Variants in TAFA2 observed in about 807,000 individuals in gnomAD.
The protein encoded by TAFA2 is chemokine-like protein TAFA-2.
TAFA2 carries 7 observed loss-of-function variants against 18.8 expected under a neutral mutation model. The observed-to-expected ratio is 0.37, with a 90% CI of 0.21 to 0.70. The LOEUF (loss-of-function observed/expected upper bound fraction) is 0.70, where lower values mean the gene tolerates loss of function less well. Among genes scored for constraint, TAFA2 ranks in the 30% least tolerant of loss-of-function variants. The pLI is 0.53. For missense variants in TAFA2, 122 were observed against 158.1 expected (o/e 0.77, Z 1.23); for synonymous variants, 60 against 54.2 (o/e 1.11, Z -0.47).
intron 1 of TAFA2, among the ~76,000 whole-genome samples, chr12:62,129,455 G>A (rs189005798): frequency 2.7e-4 from 41 of 151,998 alleles, no homozygotes; most frequent in African/African-American, 8.7e-4. Context: ...ACAGCATAAC[G>A]TCTCTACCCA....
intron 1 of TAFA2, among the ~76,000 whole-genome samples, chr12:61,875,134 ATAT>A (rs1422297803): frequency 6.6e-6 from 1 of 152,136 alleles, no homozygotes; most frequent in African/African-American, 2.4e-5. Flanking sequence ...GAATGTACAA[ATAT>A]TATTACATAT....
chr12:62,051,321 G>A (rs1297499118), intron 1 of TAFA2, among the ~76,000 whole-genome samples: 4 of 152,048 alleles, frequency 2.6e-5, no homozygotes, highest in African/African-American at 9.7e-5. Context: ...AAATTCCCAT[G>A]TTTTTCATAA....
chr12:61,907,638 A>G lies in TAFA2; in HGVS notation c.-1-40212T>C, dbSNP rs150127048. ...TGCCCACTGAGACACTGCCTTGTGG[A>G]TCTGTGAGAAGAGGGCCACCATCTT... On this transcript the variant is annotated intron_variant, in intron 1 of 4. Transcript: ENST00000416284. Among the ~76,000 whole-genome samples the G allele has an allele frequency of 2.1e-3, 316 of 152,186 alleles. 1 individual carries two copies. Among genetic ancestry groups the G allele is most frequent in the African/African-American group, 7.3e-3 (305 of 41,544 alleles).
At chr12:61,989,572 C>T (rs1244636388) in intron 1 of TAFA2, among the ~76,000 whole-genome samples, 1 of 152,144 alleles carries the variant, frequency 6.6e-6, no homozygotes, top group Non-Finnish European at 1.5e-5. Context: ...ATGGTTACTG[C>T]CCTCTTTACA....
At chr12:62,035,930 C>A (rs1043026982) in intron 1 of TAFA2, among the ~76,000 whole-genome samples, 2 of 151,138 alleles carry the variant, frequency 1.3e-5, no homozygotes, top group Non-Finnish European at 3.0e-5. Flanking sequence ...TTAGTAGAGA[C>A]GGGGTTTCAC....
At chr12:62,197,009 C>T (rs1045984946), upstream of TAFA2, among the ~76,000 whole-genome samples, 2 of 152,238 alleles carry the variant, frequency 1.3e-5, no homozygotes, top group African/African-American at 4.8e-5. Flanking sequence ...AGCATTACCG[C>T]CTGAGCTCCA....
At chr12:62,226,512 AG>A (rs1592409505) in intron 1 of TAFA2, among the ~76,000 whole-genome samples, 1 of 152,050 alleles carries the variant, frequency 6.6e-6, no homozygotes, top group East Asian at 1.9e-4. Context: ...TACTCTTTTA[AG>A]CAATCTCATT....
intron 1 of TAFA2, among the ~76,000 whole-genome samples, chr12:61,972,563 T>C (rs1592522989): frequency 6.6e-6 from 1 of 151,620 alleles, no homozygotes; most frequent in East Asian, 1.9e-4. Context: ...ATAGAGGAAT[T>C]AGGACTGGGT....
At chr12:62,222,326 T>C (rs1464134654) in intron 1 of TAFA2, among the ~76,000 whole-genome samples, 1 of 151,952 alleles carries the variant, frequency 6.6e-6, no homozygotes, top group African/African-American at 2.4e-5. Flanking sequence ...AAATGAGTAA[T>C]CAAGAAAGAA....
chr12:62,115,345 A>T (rs1480310341), intron 1 of TAFA2, among the ~76,000 whole-genome samples: 1 of 151,812 alleles, frequency 6.6e-6, no homozygotes, highest in East Asian at 1.9e-4. Context: ...CACTGCACTG[A>T]TTTTTTTTCT....
At chr12:62,142,652 C>T (rs1423824624) in intron 1 of TAFA2, among the ~76,000 whole-genome samples, 1 of 152,098 alleles carries the variant, frequency 6.6e-6, no homozygotes, top group Non-Finnish European at 1.5e-5. Flanking sequence ...CTATTAAATG[C>T]CTCTGCTTTA....
At chr12:62,144,135 G>A (rs962683368) in intron 1 of TAFA2, among the ~76,000 whole-genome samples, 27 of 151,428 alleles carry the variant, frequency 1.8e-4, no homozygotes. Flanking sequence ...GGAAACAAAT[G>A]GAACTGGCAA....
intron 1 of TAFA2, among the ~76,000 whole-genome samples, chr12:62,160,872 C>T (rs2062402447): frequency 6.6e-6 from 1 of 152,084 alleles, no homozygotes; most frequent in Non-Finnish European, 1.5e-5. Flanking sequence ...AGTGCTGGTG[C>T]CCCCCTTGCA....
chr12:61,802,438 G>A (rs1271730351), intron 2 of TAFA2, among the ~76,000 whole-genome samples: 1 of 152,020 alleles, frequency 6.6e-6, no homozygotes, highest in Non-Finnish European at 1.5e-5. Flanking sequence ...CAAAAAGAAA[G>A]AAATTCTGTC....
intron 1 of TAFA2, among the ~76,000 whole-genome samples, chr12:61,966,715 GAA>G (rs1169573439): frequency 6.6e-6 from 1 of 151,888 alleles, no homozygotes; most frequent in African/African-American, 2.4e-5. Context: ...AGCAGCATCT[GAA>G]AAAAGCAGAT....
intron 2 of TAFA2, among the ~76,000 whole-genome samples, chr12:61,760,555 G>A (rs1490602194): frequency 6.6e-6 from 1 of 151,586 alleles, no homozygotes; most frequent in Non-Finnish European, 1.5e-5. Flanking sequence ...AATTTTTCAT[G>A]TAAACTGCTC....
intron 1 of TAFA2, among the ~76,000 whole-genome samples, chr12:61,928,562 T>C (rs891305376): frequency 1.3e-5 from 2 of 152,272 alleles, no homozygotes; most frequent in East Asian, 3.9e-4. Flanking sequence ...TTTTACACTG[T>C]TGTGGGAACG....
At chr12:61,932,599 C>A (rs897879023) in intron 1 of TAFA2, among the ~76,000 whole-genome samples, 2 of 152,130 alleles carry the variant, frequency 1.3e-5, no homozygotes, top group African/African-American at 4.8e-5. Flanking sequence ...CCCTCCACCA[C>A]GCCCAGCTAA....
intron 2 of TAFA2, among the ~76,000 whole-genome samples, chr12:61,846,788 A>C (rs1355822529): frequency 6.6e-6 from 1 of 152,170 alleles, no homozygotes; most frequent in Admixed American, 6.5e-5. Flanking sequence ...GAGGTATTTA[A>C]TTTCCTCTAC....
Sources: allele counts gnomAD v4.1 joint callset (sites outside exome capture counted in the v4.1 genomes callset), GRCh38; gene constraint gnomAD v4.1.1; transcripts MANE v1.5; gene names NCBI Gene and HGNC (gene_info 2026-07-23, HGNC 2026-07-21).